Variants in WWOX observed in about 807,000 individuals in gnomAD.
The protein encoded by WWOX is WW domain containing oxidoreductase.
A neutral mutation model predicts 46.2 loss-of-function variants in WWOX; 69 were observed. That is an observed-to-expected ratio of 1.49 (90% CI 1.23 to 1.82). The LOEUF (loss-of-function observed/expected upper bound fraction) is 1.82, where lower values mean the gene tolerates loss of function less well. Ranked by LOEUF, WWOX falls within the 40% of genes most tolerant of loss-of-function variation. The probability of loss-of-function intolerance (pLI) is 0.00; values close to 1 mark genes in which losing one functional copy is unlikely to be tolerated. For synonymous variants in WWOX, 359 were observed against 202.6 expected, an observed-to-expected ratio of 1.77 and a Z score of -6.56; for missense variants, 919 against 542.6, an observed-to-expected ratio of 1.69 and a Z score of -6.89.
chr16:78,280,499 T>C (rs746585900), intron 5 of WWOX, among the ~76,000 whole-genome samples: 28 of 152,246 alleles, frequency 1.8e-4, no homozygotes, highest in Non-Finnish European at 2.4e-4. Flanking sequence ...GACTGGGTAA[T>C]TTATAAGAAA....
intron 8 of WWOX, among the ~76,000 whole-genome samples, chr16:79,186,523 C>A (rs2051018742): frequency 6.6e-6 from 1 of 152,190 alleles, no homozygotes; most frequent in African/African-American, 2.4e-5. Context: ...GATTAAGGGC[C>A]TACCCTATTC....
intron 4 of WWOX, among the ~76,000 whole-genome samples, chr16:78,134,106 G>A (rs2033705764): frequency 6.6e-6 from 1 of 152,118 alleles, no homozygotes; most frequent in Non-Finnish European, 1.5e-5. Flanking sequence ...CCCTTGTGAC[G>A]AATAAGAAAT....
At chr16:78,288,005 A>C (rs1016517534) in intron 5 of WWOX, among the ~76,000 whole-genome samples, 1 of 152,178 alleles carries the variant, frequency 6.6e-6, no homozygotes, top group Non-Finnish European at 1.5e-5. Context: ...ATTTAGGAGA[A>C]ACATTTCCCT....
intron 8 of WWOX, among the ~76,000 whole-genome samples, chr16:78,942,354 G>A (rs186445097): frequency 6.6e-6 from 1 of 152,250 alleles, no homozygotes; most frequent in Non-Finnish European, 1.5e-5. Context: ...AGAACCTCTA[G>A]CGCAGCCTAC....
chr16:78,801,987 G>A (rs1213415754), intron 8 of WWOX, among the ~76,000 whole-genome samples: 2 of 152,086 alleles, frequency 1.3e-5, no homozygotes, highest in Non-Finnish European at 2.9e-5. Context: ...AGAATTAACC[G>A]AGATGATGTG....
intron 4 of WWOX, among the ~76,000 whole-genome samples, chr16:78,159,671 GGT>G (rs1491454569): frequency 9.5e-5 from 8 of 84,622 alleles, no homozygotes; most frequent in Admixed American, 2.7e-4. Flanking sequence ...TAAAATCTGT[GGT>G]TTTTTTTTTT....
At chr16:78,387,940 A>G (rs9925545) in intron 6 of WWOX, among the ~76,000 whole-genome samples, 5,806 of 152,082 alleles carry the variant, frequency 0.038, 217 homozygotes, top group African/African-American at 0.096. Flanking sequence ...TGTTGGGAAC[A>G]TTAGTTCTGC....
intron 8 of WWOX, among the ~76,000 whole-genome samples, chr16:78,982,767 A>G (rs1456707432): frequency 1.3e-5 from 2 of 152,194 alleles, no homozygotes; most frequent in African/African-American, 4.8e-5. Context: ...TGCATTAATA[A>G]ATAGTGATTA....
intron 8 of WWOX, among the ~76,000 whole-genome samples, chr16:78,870,618 T>G (rs1053819309): frequency 3.3e-5 from 5 of 152,218 alleles, no homozygotes; most frequent in African/African-American, 9.6e-5. Flanking sequence ...TTTTCTTTTT[T>G]GGAGACGGAA....
chr16:78,774,496 TTGTGTGTG>T lies in WWOX; in HGVS notation c.1056+341773_1056+341780del, dbSNP rs58003207. On this transcript the variant is annotated intron_variant, in intron 8 of 8. Transcript: ENST00000566780. ...CGGGCAGTTTCTTGACAGACCCATT[TTGTGTGTG>T]TGTGTGTGTGTGTGTGTGTGTGTGT... Among the ~76,000 whole-genome samples the T allele has an allele frequency of 2.0e-3, 293 of 149,504 alleles. 1 individual carries two copies. Among genetic ancestry groups the T allele is most frequent in the East Asian group, 7.0e-3 (35 of 4,994 alleles).
At chr16:78,512,774 C>T (rs1356936681) in intron 8 of WWOX, among the ~76,000 whole-genome samples, 2 of 152,174 alleles carry the variant, frequency 1.3e-5, no homozygotes, top group African/African-American at 2.4e-5. Context: ...GCTTGTAAAT[C>T]AATGAAGGTT....
chr16:78,383,886 T>C (rs1567539809), intron 5 of WWOX, among the ~76,000 whole-genome samples: 1 of 152,196 alleles, frequency 6.6e-6, no homozygotes. Context: ...AACTACTTGA[T>C]GGCTTGTGAC....
chr16:78,934,077 G>T (rs1033749699), intron 8 of WWOX, among the ~76,000 whole-genome samples: 7 of 151,848 alleles, frequency 4.6e-5, no homozygotes, highest in Admixed American at 2.6e-4. Flanking sequence ...GGCTCATGCT[G>T]GTAATCCCAG....
chr16:78,330,845 G>A (rs983788821), intron 5 of WWOX, among the ~76,000 whole-genome samples: 1 of 152,198 alleles, frequency 6.6e-6, no homozygotes, highest in Non-Finnish European at 1.5e-5. Context: ...CCTGGAAACA[G>A]AAGAAAATAA....
chr16:78,313,822 T>C (rs2080298705), intron 5 of WWOX, among the ~76,000 whole-genome samples: 1 of 152,164 alleles, frequency 6.6e-6, no homozygotes, highest in Non-Finnish European at 1.5e-5. Context: ...CCTTTGATCC[T>C]TCCTGTTTAA....
intron 8 of WWOX, among the ~76,000 whole-genome samples, chr16:78,494,024 T>C (rs2084849833): frequency 6.6e-6 from 1 of 152,180 alleles, no homozygotes; most frequent in Admixed American, 6.5e-5. Context: ...TTTAGTTGGC[T>C]CGTGGTTCTG....
Position 79,203,449 on chromosome 16 carries a change from T to G in WWOX, c.1057-8159T>G, listed in dbSNP as rs910037661. 7 of 152,012 alleles carry G rather than the reference T, an allele frequency of 4.6e-5. No individual in the cohort carries two copies. The South Asian group carries it at 8.3e-4, about 18-fold the overall frequency. The allele number at this position is 152,012 out of a possible 1,614,324, so 9.4% of individuals were successfully genotyped here. On this transcript the variant is annotated intron_variant, in intron 8 of 8. Coordinates refer to ENST00000566780, the MANE Select transcript of WWOX (RefSeq NM_016373.4). ...TTAATTTGTTTCTGGAAGGCAGAGTTAAGAGTTAATTCCTTCCCATGATGT... is the reference window on the plus strand; with the variant it reads ...TTAATTTGTTTCTGGAAGGCAGAGTGAAGAGTTAATTCCTTCCCATGATGT...
At chr16:78,606,929 C>A (rs886712805) in intron 8 of WWOX, among the ~76,000 whole-genome samples, 9 of 152,064 alleles carry the variant, frequency 5.9e-5, no homozygotes, top group African/African-American at 2.2e-4. Flanking sequence ...CAGCGGTTCA[C>A]ATCGCTGATT....
In WWOX at chr16:79,211,914, A is replaced by G. The variant is rs1172348696; in HGVS notation, c.*118A>G. ...ACACAGATCCGCAAGAGTAAAGGAAATAAGAGCAGTCACAACAGAGTGAAA... is the reference window on the plus strand; with the variant it reads ...ACACAGATCCGCAAGAGTAAAGGAAGTAAGAGCAGTCACAACAGAGTGAAA... On this transcript the variant is annotated 3_prime_UTR_variant, in exon 9 of 9. Coordinates refer to ENST00000566780, the MANE Select transcript of WWOX (RefSeq NM_016373.4). 8 of 1,547,448 alleles carry G rather than the reference A, an allele frequency of 5.2e-6. No homozygotes were observed. The highest frequency in any genetic ancestry group is 1.9e-5 in the Admixed American group (1 of 51,372).
Sources: gnomAD v4.1 joint callset for allele counts (sites outside exome capture counted in the v4.1 genomes callset) on GRCh38, gnomAD v4.1.1 for gene constraint, MANE v1.5 for transcripts, NCBI Gene and HGNC (gene_info 2026-07-23, HGNC 2026-07-21) for gene names.